Variants in PLEKHA7 observed in about 807,000 individuals in gnomAD.
PLEKHA7 encodes the protein pleckstrin homology domain containing A7, also known as pleckstrin homology domain-containing family A member 7.
PLEKHA7 carries 104 observed loss-of-function variants against 170.0 expected under a neutral mutation model. That is an observed-to-expected ratio of 0.61 (90% confidence interval 0.52 to 0.72). The LOEUF (loss-of-function observed/expected upper bound fraction) is 0.72, where lower values mean the gene tolerates loss of function less well. Among genes scored for constraint, PLEKHA7 ranks in the 30% least tolerant of loss-of-function variants. PLEKHA7 has a pLI of 0.00. For missense variants in PLEKHA7, 1,615 were observed against 1,671.7 expected (o/e 0.97, Z 0.59); for synonymous variants, 648 against 660.8 (o/e 0.98, Z 0.30).
intron 3 of PLEKHA7, among the ~76,000 whole-genome samples, chr11:16,985,950 T>A (rs1246971023): frequency 1.3e-5 from 2 of 152,228 alleles, no homozygotes; most frequent in Admixed American, 6.5e-5. Context: ...AATGGAGGGA[T>A]ATCACAAACC....
chr11:17,004,375 C>CT (rs1188137157), intron 3 of PLEKHA7, among the ~76,000 whole-genome samples: 5 of 140,228 alleles, frequency 3.6e-5, no homozygotes, highest in East Asian at 4.8e-4. Flanking sequence ...CAGTATACAC[C>CT]TTTTTTTTCC....
chr11:16,939,563 C>T (rs552721082), intron 3 of PLEKHA7, among the ~76,000 whole-genome samples: 2 of 152,210 alleles, frequency 1.3e-5, no homozygotes, highest in African/African-American at 2.4e-5. Context: ...AAATACTACA[C>T]GGGTATTGCA....
intron 3 of PLEKHA7, among the ~76,000 whole-genome samples, chr11:16,925,732 G>T (rs528634140): frequency 8.5e-5 from 13 of 152,356 alleles, no homozygotes; most frequent in Middle Eastern, 3.4e-3. Context: ...GCCTTTCCGA[G>T]GAGCCCACAC....
chr11:16,940,842 C>A (rs1860649789), intron 3 of PLEKHA7, among the ~76,000 whole-genome samples: 1 of 152,080 alleles, frequency 6.6e-6, no homozygotes, highest in Non-Finnish European at 1.5e-5. Flanking sequence ...TTAAAGCTGC[C>A]TGTGGCTTCC....
intron 3 of PLEKHA7, among the ~76,000 whole-genome samples, chr11:16,925,862 A>AT (rs574470656): frequency 6.6e-6 from 1 of 152,338 alleles, no homozygotes; most frequent in African/African-American, 2.4e-5. Context: ...AGCCCAGCAC[A>AT]TTCCTTTCCT....
intron 9 of PLEKHA7, among the ~76,000 whole-genome samples, chr11:16,835,247 G>A (rs1418956566): frequency 2.0e-5 from 3 of 152,158 alleles, no homozygotes; most frequent in Non-Finnish European, 4.4e-5. Flanking sequence ...CTCCAGCCTG[G>A]GTGACAGAGC....
chr11:16,930,605 G>A (rs919997454), intron 3 of PLEKHA7, among the ~76,000 whole-genome samples: 3 of 152,024 alleles, frequency 2.0e-5, no homozygotes, highest in East Asian at 1.9e-4. Flanking sequence ...AAAATAAAAC[G>A]CATGATTTCC....
chr11:16,893,277 T>G (rs1472334432), intron 3 of PLEKHA7, among the ~76,000 whole-genome samples: 1 of 152,248 alleles, frequency 6.6e-6, no homozygotes, highest in Non-Finnish European at 1.5e-5. Context: ...ACTGTTCTCC[T>G]GCATCACGGT....
chr11:16,990,299 A>T (rs77176949), intron 3 of PLEKHA7, among the ~76,000 whole-genome samples: 2 of 128,634 alleles, frequency 1.6e-5, no homozygotes, highest in African/African-American at 2.9e-5. Flanking sequence ...AAAAAAAAAA[A>T]CTTCTCCCTG....
chr11:16,879,498 A>G (rs1028992297), intron 3 of PLEKHA7, among the ~76,000 whole-genome samples: 1 of 152,166 alleles, frequency 6.6e-6, no homozygotes, highest in African/African-American at 2.4e-5. Flanking sequence ...GAGAGCATAG[A>G]GCAGGGCAAC....
intron 3 of PLEKHA7, among the ~76,000 whole-genome samples, chr11:16,968,768 C>G (rs1317626285): frequency 6.6e-6 from 1 of 152,218 alleles, no homozygotes; most frequent in African/African-American, 2.4e-5. Flanking sequence ...GATAGGCCTG[C>G]AAACTCAACA....
intron 19 of PLEKHA7, among the ~76,000 whole-genome samples, chr11:16,793,462 G>A (rs1341058863): frequency 6.6e-6 from 1 of 152,218 alleles, no homozygotes; most frequent in Admixed American, 6.5e-5. Context: ...GCTGGAAGCA[G>A]GTAGATGGTG....
intron 3 of PLEKHA7, among the ~76,000 whole-genome samples, chr11:16,966,218 G>C (rs1437309894): frequency 6.6e-6 from 1 of 151,966 alleles, no homozygotes; most frequent in East Asian, 1.9e-4. Context: ...ACAGGAGAAG[G>C]AAAACTCTGG....
chr11:16,995,646 A>T (rs1259216104), intron 3 of PLEKHA7, among the ~76,000 whole-genome samples: 6 of 152,158 alleles, frequency 3.9e-5, no homozygotes, highest in Non-Finnish European at 8.8e-5. Flanking sequence ...GAGTATAACA[A>T]ATATGATGTC....
intron 8 of PLEKHA7, 94 bp from the exon 9 acceptor site, chr11:16,841,816 C>T (rs1851989655): frequency 6.3e-6 from 8 of 1,278,758 alleles, no homozygotes; most frequent in South Asian, 4.6e-5. Flanking sequence ...CCCTTCTAGT[C>T]TAAAAGCCCA....
intron 3 of PLEKHA7, among the ~76,000 whole-genome samples, chr11:16,901,390 C>T (rs1857326261): frequency 6.6e-6 from 1 of 152,148 alleles, no homozygotes; most frequent in African/African-American, 2.4e-5. Flanking sequence ...TGAAGACAAA[C>T]TAATATAAGC....
intron 9 of PLEKHA7, among the ~76,000 whole-genome samples, chr11:16,834,345 T>A (rs1253806475): frequency 1.3e-5 from 2 of 152,160 alleles, no homozygotes; most frequent in Admixed American, 1.3e-4. Context: ...ACTAAATGGA[T>A]GAATGCATGA....
At position 16,872,783 on chromosome 11, in the gene PLEKHA7, G is replaced by A. The variant is rs187050795; in HGVS notation, c.222-1601C>T. 6.0e-5 allele frequency among the ~76,000 whole-genome samples: 9 copies of A among 150,690 alleles called. No individual in the cohort carries two copies. In the East Asian group the frequency reaches 1.4e-3, roughly 23 times the overall value. On this transcript the variant is annotated intron_variant, in intron 3 of 26. Transcript: ENST00000531066. ...ATCCACCAGGCTTACCTCCCAAAGCGTTAGGATTATGCCTGGCCAAATGTA... is the reference window on the plus strand; with the variant it reads ...ATCCACCAGGCTTACCTCCCAAAGCATTAGGATTATGCCTGGCCAAATGTA...
At chr11:17,013,097 C>G (rs6486337) in intron 3 of PLEKHA7, 96,450 of 152,008 alleles carry the variant, frequency 0.63, 31,228 homozygotes, top group East Asian at 0.96. Flanking sequence ...ACTTGCTGTC[C>G]GGCACTGGGG....
Sources: allele counts gnomAD v4.1 joint callset (sites outside exome capture counted in the v4.1 genomes callset), GRCh38; gene constraint gnomAD v4.1.1; transcripts MANE v1.5; gene names NCBI Gene and HGNC (gene_info 2026-07-23, HGNC 2026-07-21).